Variants in RACK1 observed in about 807,000 individuals in gnomAD.
RACK1 encodes receptor for activated C kinase 1.
Under a neutral mutation model 42.2 loss-of-function variants are expected in RACK1, and 3 were observed. The ratio of observed to expected loss-of-function variants is 0.07; its 90% CI spans 0.03 to 0.18. The LOEUF is 0.18. Among genes scored for constraint, RACK1 ranks in the 10% least tolerant of loss-of-function variants. The probability of loss-of-function intolerance (pLI) is 1.00; values close to 1 mark genes in which losing one functional copy is unlikely to be tolerated. For synonymous variants in RACK1, 181 were observed against 154.8 expected, an observed-to-expected ratio of 1.17 and a Z score of -1.25; for missense variants, 146 against 403.2, an observed-to-expected ratio of 0.36 and a Z score of 5.46.
At position 181,236,966 on chromosome 5, in the gene RACK1, G is replaced by A; in HGVS notation, c.*11C>T. ...GTTTTTTTTTTATTTGTAAAGCTCT[G>A]CCATAAACTTCTAGCGTGTGCCAAT... On this transcript the variant is annotated 3_prime_UTR_variant, in exon 8 of 8. Transcript: ENST00000512805. 6.3e-7 allele frequency: 1 copy of A among 1,595,472 alleles called. No homozygotes were observed. The highest frequency in any genetic ancestry group is 8.5e-7 in the Non-Finnish European group (1 of 1,174,266).
In RACK1 at chr5:181,241,426, C is replaced by CAAAAAAAAAAAAAAAAAAAAAAAAA. The variant is rs57063983; in HGVS notation, c.429+65_429+66insTTTTTTTTTTTTTTTTTTTTTTTTT. The CAAAAAAAAAAAAAAAAAAAAAAAAA allele has an allele frequency of 1.6e-5, 17 of 1,074,534 alleles. 1 individual carries two copies. In the African/African-American group the frequency reaches 2.8e-4, roughly 18 times the overall value. The allele number at this position is 1,074,534 out of a possible 1,614,324, so 66.6% of individuals were successfully genotyped here. ...GCTTGGGCAAGAGTGAGACTGTCGC[C>CAAAAAAAAAAAAAAAAAAAAAAAAA]AAAAAAAAAAAAAAAAAGCAAAGTT... On this transcript the variant is annotated intron_variant, in intron 3 of 7. Transcript: ENST00000512805.
intron 2 of RACK1, 100 bp downstream of exon 2, chr5:181,242,074 A>C (rs1371544324): frequency 4.6e-6 from 5 of 1,084,658 alleles, no homozygotes; most frequent in Non-Finnish European, 6.9e-6. Context: ...TCCAGTTCCC[A>C]AATGGACTGG....
intron 1 of RACK1, chr5:181,243,301 G>A: frequency 7.4e-7 from 1 of 1,357,688 alleles, no homozygotes; most frequent in Non-Finnish European, 9.8e-7. Context: ...CACGAGCCTT[G>A]GGCCGGGCGG....
In RACK1 at chr5:181,240,228, G is replaced by A. The variant is rs79153242; in HGVS notation, c.430-646C>T. 1,491 of 166,470 alleles carry A rather than the reference G, an allele frequency of 9.0e-3. 26 individuals carry two copies. Among genetic ancestry groups the A allele is most frequent in the African/African-American group, 0.032 (1,322 of 41,554 alleles). 10.3% of individuals were successfully genotyped at this position (166,470 alleles called of 1,614,324 possible). A position where few individuals can be genotyped will look rare whatever the true frequency, so the allele number is the denominator to read the frequency against. ...AAATTAGCCAGACCTGATGGCAGGCGCCTGTAGTCCCAGCGACTCGGGAGG... is the reference window on the plus strand; with the variant it reads ...AAATTAGCCAGACCTGATGGCAGGCACCTGTAGTCCCAGCGACTCGGGAGG... On this transcript the variant is annotated intron_variant, in intron 3 of 7. Transcript: ENST00000512805.
intron 6 of RACK1, 89 bp downstream of exon 6, chr5:181,238,010 G>C: frequency 7.2e-7 from 1 of 1,395,894 alleles, no homozygotes; most frequent in African/African-American, 1.4e-5. Flanking sequence ...TAGCTCCCAG[G>C]TGGGAGTCAG....
chr5:181,239,196 G>A lies in RACK1; in HGVS notation c.526-19C>T. 1.3e-6 allele frequency: 2 copies of A among 1,509,078 alleles called. No individual in the cohort carries two copies. The highest frequency in any genetic ancestry group is 1.8e-6 in the Non-Finnish European group (2 of 1,084,308). The allele number at this position is 1,509,078 out of a possible 1,614,324, so 93.5% of individuals were successfully genotyped here. On this transcript the variant is annotated intron_variant, in intron 4 of 7. Transcript: ENST00000512805. ...TCCATACCTGCATAGACGTGCGGTTGACAGGTGAACATCCTAGCTCTTGAT... is the reference window on the plus strand; with the variant it reads ...TCCATACCTGCATAGACGTGCGGTTAACAGGTGAACATCCTAGCTCTTGAT...
In RACK1 at chr5:181,239,568, T is replaced by C; in HGVS notation, c.444A>G (p.Ser148=). Residue 148 remains serine, a synonymous_variant, in exon 4 of 8, where the codon TCA becomes TCG. Coordinates refer to ENST00000512805, the MANE Select transcript of RACK1 (RefSeq NM_006098.5). ...CKYTVQDESH[S]EWVSCVRFSP... ...AGAAGCGGACACAAGACACCCACTC[T>C]GAGTGGCTCTCATCCTACAGAAGAT... 2 of 1,612,106 alleles carry C rather than the reference T, an allele frequency of 1.2e-6. No homozygotes were observed. Among genetic ancestry groups the C allele is most frequent in the Non-Finnish European group, 8.5e-7 (1 of 1,178,186 alleles).
chr5:181,238,855 A>C (rs930058521), intron 5 of RACK1: 5 of 606,358 alleles, frequency 8.2e-6, no homozygotes, highest in African/African-American at 1.8e-5. Flanking sequence ...CCACAGGCTT[A>C]TAGAAAATCA....
In RACK1 at chr5:181,243,851, G is replaced by T. The variant is rs1059315; in HGVS notation, c.-51C>A. 6.5e-7 allele frequency: 1 copy of T among 1,547,184 alleles called. No homozygotes were observed. Among genetic ancestry groups the T allele is most frequent in the East Asian group, 2.4e-5 (1 of 41,282 alleles). On this transcript the variant is annotated 5_prime_UTR_variant, in exon 1 of 8. Coordinates refer to ENST00000512805, the MANE Select transcript of RACK1 (RefSeq NM_006098.5). The stretch of plus-strand genomic sequence containing the variant: ...GCAGCGACGAGGATGGCACTGGATG[G>T]CTTAGAGAAACTAGCACCACAACCT...
chr5:181,243,420 G>A lies in RACK1; in HGVS notation c.109+272C>T, dbSNP rs371994828. 39 of 1,488,580 alleles carry A rather than the reference G, an allele frequency of 2.6e-5. No homozygotes were observed. The African/African-American group carries it at 3.9e-4, about 15-fold the overall frequency. 92.2% of individuals were successfully genotyped at this position (1,488,580 alleles called of 1,614,324 possible). On this transcript the variant is annotated intron_variant, in intron 1 of 7. Coordinates refer to ENST00000512805, the MANE Select transcript of RACK1 (RefSeq NM_006098.5). ...CCCCGGCCACACTACGAAGGAGAAG[G>A]CAAAAGATATTTTAAAAGTTTCCAA... is the stretch of plus-strand genomic sequence containing the variant.
Position 181,237,618 on chromosome 5 carries a change from A to G in RACK1, c.879T>C (p.Ala293=). The G allele has an allele frequency of 6.3e-7, 1 of 1,581,728 alleles. No homozygotes were observed. The highest frequency in any genetic ancestry group is 1.7e-4 in the Middle Eastern group (1 of 6,016). ...GGACAGACCCACTTACCTGGCCATC[A>G]GCAGACCAGGCCAGGGAGGTGCACT... ...PPQCTSLAWS[A]DGQTLFAGYT... Residue 293 remains alanine (A), a synonymous_variant, in exon 7 of 8, where the codon GCT becomes GCC. Transcript: ENST00000512805.
chr5:181,243,534 G>T, intron 1 of RACK1, 158 bp downstream of exon 1: 2 of 1,397,218 alleles, frequency 1.4e-6, no homozygotes, highest in Non-Finnish European at 1.9e-6. Flanking sequence ...CTAGGCTCGG[G>T]TCCGCACGCC....
Position 181,241,641 on chromosome 5 carries a change from TGA to T in RACK1, c.282-4_282-3del, listed in dbSNP as rs1170921149. On this transcript the variant is annotated splice_polypyrimidine_tract_variant and splice_region_variant and intron_variant, in intron 2 of 7. Coordinates refer to ENST00000512805, the MANE Select transcript of RACK1 (RefSeq NM_006098.5). ...ACAAATCGCCTCGTGGTGGTGCCCC[TGA>T]GAGGGAGGAGTTTGTCATTCTCAGA... 3 of 1,614,026 alleles carry T rather than the reference TGA, an allele frequency of 1.9e-6. No homozygotes were observed. Among genetic ancestry groups the T allele is most frequent in the East Asian group, 2.2e-5 (1 of 44,882 alleles).
chr5:181,238,804 AAAAAC>A (rs1347085091), intron 5 of RACK1: 2 of 442,538 alleles, frequency 4.5e-6, no homozygotes, highest in African/African-American at 4.4e-5. Context: ...GTCTCAAAAA[AAAAAC>A]AAAAAACAAA....
intron 5 of RACK1, 24 bp from the exon 6 acceptor site, chr5:181,238,263 G>C (rs1011725751): frequency 1.9e-5 from 31 of 1,612,486 alleles, no homozygotes; most frequent in Non-Finnish European, 2.5e-5. Flanking sequence ...AGGTAAATCA[G>C]GACACTGTGA....
chr5:181,238,920 G>A (rs1262521822), intron 5 of RACK1, 147 bp downstream of exon 5: 4 of 737,560 alleles, frequency 5.4e-6, no homozygotes, highest in East Asian at 2.5e-5. Flanking sequence ...GTAATCTTTG[G>A]AAACATATTC....
At position 181,242,056 on chromosome 5, in the gene RACK1, C is replaced by T. The variant is rs1216349342; in HGVS notation, c.281+118G>A. The T allele has an allele frequency of 4.4e-6, 4 of 902,362 alleles. No homozygotes were observed. In the East Asian group the frequency reaches 9.6e-5, roughly 22 times the overall value. The allele number at this position is 902,362 out of a possible 1,614,324, so 55.9% of individuals were successfully genotyped here. On this transcript the variant is annotated intron_variant, in intron 2 of 7. Transcript: ENST00000512805. ...AGGCCAAACATCTTCTGTAGGTGTG[C>T]TCTGCTTTCCAGTTCCCAAATGGAC...
chr5:181,242,598 C>A (rs1370104603), intron 1 of RACK1: 1 of 532,884 alleles, frequency 1.9e-6, no homozygotes, highest in Non-Finnish European at 3.6e-6. Context: ...CGCTCTGTCG[C>A]CCAGGCTGGA....
chr5:181,239,142 G>A lies in RACK1; in HGVS notation c.561C>T (p.Asn187=). The A allele has an allele frequency of 6.2e-7, 1 of 1,613,950 alleles. No homozygotes were observed. The highest frequency in any genetic ancestry group is 8.5e-7 in the Non-Finnish European group (1 of 1,179,870). Residue 187 remains asparagine, a synonymous_variant, in exon 5 of 8, where the codon AAC becomes AAT. Transcript: ENST00000512805. ...TCAGATAGCCTGTGTGGCCAATGTGGTTGGTCTTCAGCTTGCAGTTAGCCA... is the reference window on the plus strand; with the variant it reads ...TCAGATAGCCTGTGTGGCCAATGTGATTGGTCTTCAGCTTGCAGTTAGCCA... ...WNLANCKLKT[N]HIGHTGYLNT...
Sources: allele counts gnomAD v4.1 joint callset, GRCh38; gene constraint gnomAD v4.1.1; transcripts MANE v1.5; gene names NCBI Gene and HGNC (gene_info 2026-07-23, HGNC 2026-07-21).